The following RTN4 variants were observed in gnomAD, a reference collection of about 807,000 sequenced individuals.
RTN4 encodes the protein reticulon-4.
A neutral mutation model predicts 90.4 loss-of-function variants in RTN4; 32 were observed. The observed-to-expected ratio is 0.35, with a 90% CI of 0.27 to 0.48. The LOEUF (loss-of-function observed/expected upper bound fraction) is 0.48. RTN4 is among the 20% of genes least tolerant of loss of function. The probability of loss-of-function intolerance (pLI) is 0.99; values close to 1 mark genes in which losing one functional copy is unlikely to be tolerated. For missense variants in RTN4, 1,706 were observed against 1,430.2 expected (o/e 1.19, Z -3.11); for synonymous variants, 629 against 552.5 (o/e 1.14, Z -1.94).
chr2:55,114,504 GC>G (rs1668090539), upstream of RTN4, among the ~76,000 whole-genome samples: 1 of 152,164 alleles, frequency 6.6e-6, no homozygotes, highest in South Asian at 2.1e-4. Context: ...TTCGAGACCA[GC>G]CTGGCTGACA....
At chr2:55,049,143 G>A (rs866931009) in intron 1 of RTN4, 1 of 985,926 alleles carries the variant, frequency 1.0e-6, no homozygotes, top group Non-Finnish European at 1.2e-6. Context: ...CTTCACTGCG[G>A]TTGGGTCAAT....
chr2:55,125,862 C>T, the RTN4 span, among the ~76,000 whole-genome samples: 31 of 148,356 alleles, frequency 2.1e-4, no homozygotes, highest in Non-Finnish European at 4.3e-4. Flanking sequence ...GAGATCAAGA[C>T]CATCCTGGCT....
intron 1 of RTN4, among the ~76,000 whole-genome samples, chr2:55,044,007 G>A (rs1683246668): frequency 6.6e-6 from 1 of 151,594 alleles, no homozygotes; most frequent in Non-Finnish European, 1.5e-5. Context: ...CCCAGCCTGG[G>A]CAACATGGCG....
chr2:55,033,298 T>C (rs990759315), intron 1 of RTN4, among the ~76,000 whole-genome samples: 5 of 152,156 alleles, frequency 3.3e-5, no homozygotes, highest in African/African-American at 1.2e-4. Context: ...CAAAAGGTAA[T>C]GAACGCCTTT....
chr2:55,121,030 G>A, the RTN4 span, among the ~76,000 whole-genome samples: 2 of 152,270 alleles, frequency 1.3e-5, no homozygotes, highest in East Asian at 3.9e-4. Context: ...CAATAAAAAT[G>A]TTCAGCATCC....
the RTN4 span, among the ~76,000 whole-genome samples, chr2:55,129,235 T>C: frequency 5.3e-5 from 8 of 151,756 alleles, no homozygotes; most frequent in Admixed American, 1.3e-4. Context: ...ACTGTAAACA[T>C]ATAAATACAC....
At chr2:55,077,756 T>TGCACACACACAC (rs1668628594) in intron 2 of RTN4, among the ~76,000 whole-genome samples, 1 of 144,350 alleles carries the variant, frequency 6.9e-6, no homozygotes, top group Non-Finnish European at 1.5e-5. Flanking sequence ...AAATGTTTTA[T>TGCACACACACAC]ACACACACAC....
chr2:55,084,505 C>T (rs979427170), intron 1 of RTN4, among the ~76,000 whole-genome samples: 1 of 152,060 alleles, frequency 6.6e-6, no homozygotes, highest in African/African-American at 2.4e-5. Flanking sequence ...TTCTGTGAGC[C>T]ATTCTAGCAA....
At chr2:55,115,674 C>G (rs1272075804), upstream of RTN4, among the ~76,000 whole-genome samples, 1 of 152,210 alleles carries the variant, frequency 6.6e-6, no homozygotes, top group African/African-American at 2.4e-5. Context: ...TAGTCTATTC[C>G]GGGGCACTAT....
rs144661008 is a variant in RTN4 at position 54,989,052 on chromosome 2, T to C, written c.3014-1354A>G. ...AAAAATCACAGTTTTAGGGCTGCTT[T>C]GGTTTTGATCCCCAAGGTCCCCTAA... On this transcript the variant is annotated intron_variant, in intron 3 of 8. Transcript: ENST00000337526. Among the ~76,000 whole-genome samples, 189 of 152,360 alleles carry C rather than the reference T, an allele frequency of 1.2e-3. 1 individual carries two copies. The highest frequency in any genetic ancestry group is 4.3e-3 in the African/African-American group (180 of 41,590).
chr2:55,037,304 A>G (rs895179868), intron 1 of RTN4, among the ~76,000 whole-genome samples: 1 of 152,236 alleles, frequency 6.6e-6, no homozygotes, highest in Non-Finnish European at 1.5e-5. Context: ...ACAGTTCTCT[A>G]TGAGTATATT....
chr2:55,019,465 A>G (rs1681274707), intron 3 of RTN4, among the ~76,000 whole-genome samples: 2 of 152,222 alleles, frequency 1.3e-5, no homozygotes, highest in African/African-American at 4.8e-5. Context: ...TCTTGCCCAG[A>G]CGGTCAAAAT....
At chr2:55,078,528 C>G (rs1203114935) in intron 2 of RTN4, among the ~76,000 whole-genome samples, 3 of 152,178 alleles carry the variant, frequency 2.0e-5, no homozygotes, top group Admixed American at 1.3e-4. Context: ...TGGCTAAATA[C>G]TTTTTTACCT....
chr2:55,036,386 G>C (rs534111233), intron 1 of RTN4, among the ~76,000 whole-genome samples: 3 of 152,064 alleles, frequency 2.0e-5, no homozygotes, highest in Non-Finnish European at 4.4e-5. Context: ...CAGATCACTT[G>C]AGGCCAAGAG....
chr2:55,069,140 G>A (rs1668444922), intron 2 of RTN4, among the ~76,000 whole-genome samples: 1 of 152,084 alleles, frequency 6.6e-6, no homozygotes, highest in Non-Finnish European at 1.5e-5. Context: ...AGCACCCAGG[G>A]GTCTGTGAAC....
At position 55,022,896 on chromosome 2, in the gene RTN4, A is replaced by AACACACACAC. The variant is rs150779063; in HGVS notation, c.3013+2180_3013+2189dup. Reference sequence around the variant, plus strand: ...CTCTGAAATTCTAAATTCAACATCCAACACACACACACACACACACACACA... The same window carrying AACACACACAC: ...CTCTGAAATTCTAAATTCAACATCCAACACACACACACACACACACACACACACACACACA... On this transcript the variant is annotated intron_variant, in intron 3 of 8. Transcript: ENST00000337526. Among the ~76,000 whole-genome samples the AACACACACAC allele has an allele frequency of 6.2e-3, 852 of 137,448 alleles. 9 individuals carry two copies. The highest frequency in any genetic ancestry group is 0.021 in the South Asian group (81 of 3,922). The allele number at this position is 137,448 out of a possible 152,430, so 90.2% of individuals were successfully genotyped here.
upstream of RTN4, among the ~76,000 whole-genome samples, chr2:55,112,829 C>G (rs951289221): frequency 6.6e-6 from 1 of 152,268 alleles, no homozygotes; most frequent in Non-Finnish European, 1.5e-5. Flanking sequence ...CTGCTCATGG[C>G]TCTGGCTTCC....
At chr2:55,089,519 G>C (rs1422574471) in intron 1 of RTN4, among the ~76,000 whole-genome samples, 1 of 152,194 alleles carries the variant, frequency 6.6e-6, no homozygotes, top group East Asian at 1.9e-4. Flanking sequence ...GATCTGCCAG[G>C]TAATTAACGG....
At chr2:55,126,750 C>T in the RTN4 span, among the ~76,000 whole-genome samples, 9 of 152,146 alleles carry the variant, frequency 5.9e-5, no homozygotes, top group African/African-American at 2.2e-4. Context: ...GCACTGTTCA[C>T]AATAGCAAAG....
Sources: gnomAD v4.1 joint callset for allele counts (sites outside exome capture counted in the v4.1 genomes callset) on GRCh38, gnomAD v4.1.1 for gene constraint, MANE v1.5 for transcripts, NCBI Gene and HGNC (gene_info 2026-07-23, HGNC 2026-07-21) for gene names.